The following STIMATE variants were observed in gnomAD, a reference collection of about 807,000 sequenced individuals.
STIMATE encodes STIM activating enhancer.
A neutral mutation model predicts 36.7 loss-of-function variants in STIMATE; 15 were observed. The observed-to-expected ratio is 0.41, with a 90% CI of 0.27 to 0.63. The LOEUF (loss-of-function observed/expected upper bound fraction) is 0.63. STIMATE is among the 20% of genes least tolerant of loss of function. The pLI, the probability that STIMATE is intolerant of heterozygous loss-of-function variation, is 0.32. For synonymous variants in STIMATE, 163 were observed against 162.3 expected (o/e 1.00, Z -0.03); for missense variants, 305 against 397.3 (o/e 0.77, Z 1.98).
chr3:52,895,784 G>C, intron 1 of STIMATE: 1 of 898,722 alleles, frequency 1.1e-6, no homozygotes, highest in Non-Finnish European at 1.5e-6. Context: ...TCAGGTTAGG[G>C]AGCAAAAGAA....
At chr3:52,843,361 T>C (rs565867589) in intron 6 of STIMATE, among the ~76,000 whole-genome samples, 2 of 152,286 alleles carry the variant, frequency 1.3e-5, no homozygotes, top group African/African-American at 4.8e-5. Context: ...CTTCGAGCCA[T>C]TGTGCTCGGG....
intron 4 of STIMATE, 38 bp downstream of exon 4, chr3:52,849,754 G>C: frequency 6.3e-7 from 1 of 1,591,470 alleles, no homozygotes; most frequent in East Asian, 2.3e-5. Flanking sequence ...ACCTCCAGCA[G>C]TTCCCTCACG....
chr3:52,870,472 G>T (rs1701383428), intron 1 of STIMATE, among the ~76,000 whole-genome samples: 1 of 151,990 alleles, frequency 6.6e-6, no homozygotes. Context: ...TCAGCCCAAA[G>T]GCTGAATGCT....
chr3:52,877,130 G>A (rs937389220), intron 1 of STIMATE, among the ~76,000 whole-genome samples: 2 of 152,238 alleles, frequency 1.3e-5, no homozygotes, highest in Admixed American at 1.3e-4. Context: ...CACCCTGCCT[G>A]TGGCTGCTTC....
chr3:52,840,357 C>G lies in STIMATE; in HGVS notation c.*137G>C, dbSNP rs953502655. On this transcript the variant is annotated 3_prime_UTR_variant, in exon 8 of 8. Transcript: ENST00000355083. ...TAAGTCACAGTAGTCTGGGGGCAGG[C>G]GAGAGCGGGCAGAGACAGCAAGAGG... 1 of 1,023,710 alleles carries G rather than the reference C, an allele frequency of 9.8e-7. No individual in the cohort carries two copies. Among genetic ancestry groups the G allele is most frequent in the Non-Finnish European group, 1.4e-6 (1 of 706,946 alleles). 63.4% of individuals were successfully genotyped at this position (1,023,710 alleles called of 1,614,324 possible). A position where few individuals can be genotyped will look rare whatever the true frequency, so the allele number is the denominator to read the frequency against.
In STIMATE at chr3:52,837,767, T is replaced by A. The variant is rs144112088; in HGVS notation, c.*2727A>T. On this transcript the variant is annotated 3_prime_UTR_variant, in exon 8 of 8. Transcript: ENST00000355083. ...TATCCAGCCAACGTCCCACCATTTC[T>A]CAACACGGTGATGGATGCCATGTGG... 6.6e-6 allele frequency: 1 copy of A among 152,308 alleles called. No individual in the cohort carries two copies. The highest frequency in any genetic ancestry group is 1.9e-4 in the East Asian group (1 of 5,172). 9.4% of individuals were successfully genotyped at this position (152,308 alleles called of 1,614,324 possible). A position where few individuals can be genotyped will look rare whatever the true frequency, so the allele number is the denominator to read the frequency against.
chr3:52,862,112 T>A (rs1701227500), intron 1 of STIMATE, among the ~76,000 whole-genome samples: 1 of 152,196 alleles, frequency 6.6e-6, no homozygotes, highest in Admixed American at 6.5e-5. Flanking sequence ...ACTCTGCTAG[T>A]CCTGCCCAGC....
intron 3 of STIMATE, 121 bp from the exon 4 acceptor site, chr3:52,850,034 G>C: frequency 1.4e-6 from 2 of 1,427,064 alleles, no homozygotes; most frequent in Non-Finnish European, 1.8e-6. Flanking sequence ...CATTCTGGGG[G>C]CTGGGAGCCC....
intron 1 of STIMATE, among the ~76,000 whole-genome samples, chr3:52,877,829 C>T (rs1015690571): frequency 6.6e-6 from 1 of 152,154 alleles, no homozygotes; most frequent in Non-Finnish European, 1.5e-5. Flanking sequence ...GGTGTGGTGG[C>T]TCACGCCTGT....
In STIMATE at chr3:52,897,362, C is replaced by T; in HGVS notation, c.89G>A (p.Gly30Asp). ...GATGCCGAAGCTGTGCATGAGCGCGCCGCTCTCGCAGCGGCCCGCCCCGGA... is the reference window on the plus strand; with the variant it reads ...GATGCCGAAGCTGTGCATGAGCGCGTCGCTCTCGCAGCGGCCCGCCCCGGA... ...VASGAGRCES[G>D]ALMHSFGIFL... is the part of the protein sequence containing the mutation. The change falls in exon 1 of 8, where the codon GGC (glycine) becomes GAC (aspartate). Residue 30 changes from glycine (G) to aspartate (D), a missense_variant. Coordinates refer to ENST00000355083, the MANE Select transcript of STIMATE (RefSeq NM_198563.5). 2 of 1,522,660 alleles carry T rather than the reference C, an allele frequency of 1.3e-6. No homozygotes were observed. The highest frequency in any genetic ancestry group is 8.8e-7 in the Non-Finnish European group (1 of 1,142,230). The allele number at this position is 1,522,660 out of a possible 1,614,324, so 94.3% of individuals were successfully genotyped here.
chr3:52,895,120 T>G (rs919111370), intron 1 of STIMATE, among the ~76,000 whole-genome samples: 1 of 152,186 alleles, frequency 6.6e-6, no homozygotes, highest in Non-Finnish European at 1.5e-5. Context: ...CAGATGTACT[T>G]CCTTAAGGCT....
Position 52,877,827 on chromosome 3 carries a change from G to A in STIMATE, c.160+19464C>T, listed in dbSNP as rs1701526758. On this transcript the variant is annotated intron_variant, in intron 1 of 7. Transcript: ENST00000355083. ...TAGGTAATCACTGGCCGGGTGTGGT[G>A]GCTCACGCCTGTAATCCCAGCACTT... Among the ~76,000 whole-genome samples the A allele has an allele frequency of 2.0e-5, 3 of 152,150 alleles. 1 individual carries two copies. The South Asian group carries it at 6.2e-4, about 32-fold the overall frequency.
intron 1 of STIMATE, among the ~76,000 whole-genome samples, chr3:52,888,179 T>G (rs1208915726): frequency 2.0e-5 from 3 of 152,040 alleles, no homozygotes; most frequent in African/African-American, 7.2e-5. Context: ...AACCCCTTTT[T>G]TGCTCCAGGG....
At chr3:52,889,343 G>A (rs1206885759) in intron 1 of STIMATE, among the ~76,000 whole-genome samples, 2 of 152,148 alleles carry the variant, frequency 1.3e-5, no homozygotes, top group Non-Finnish European at 1.5e-5. Flanking sequence ...GGCGATCTGT[G>A]CCCACACCTC....
intron 1 of STIMATE, among the ~76,000 whole-genome samples, chr3:52,879,500 G>GGAA (rs1450745916): frequency 2.6e-5 from 4 of 152,144 alleles, no homozygotes; most frequent in Non-Finnish European, 4.4e-5. Flanking sequence ...GGACCAGGAG[G>GGAA]GAAGAACAAG....
At chr3:52,849,582 C>G (rs537330659) in intron 4 of STIMATE, among the ~76,000 whole-genome samples, 1 of 152,250 alleles carries the variant, frequency 6.6e-6, no homozygotes, top group South Asian at 2.1e-4. Flanking sequence ...ACCTTCCCTG[C>G]CATAAGGTGA....
chr3:52,887,424 G>A (rs563783112), intron 1 of STIMATE, among the ~76,000 whole-genome samples: 3 of 152,340 alleles, frequency 2.0e-5, no homozygotes, highest in Admixed American at 6.5e-5. Context: ...CACACAGACT[G>A]GATGTTTGCG....
chr3:52,860,553 C>T (rs561014361), intron 1 of STIMATE, among the ~76,000 whole-genome samples: 1 of 151,990 alleles, frequency 6.6e-6, no homozygotes, highest in Admixed American at 6.5e-5. Flanking sequence ...GGCCAGGCAG[C>T]TGTAGCCACA....
chr3:52,845,028 C>A, intron 4 of STIMATE, 87 bp from the exon 5 acceptor site: 1 of 1,390,620 alleles, frequency 7.2e-7, no homozygotes, highest in Non-Finnish European at 9.9e-7. Flanking sequence ...ACACGCACCC[C>A]AGAACACTGG....
Sources: allele counts gnomAD v4.1 joint callset (sites outside exome capture counted in the v4.1 genomes callset), GRCh38; gene constraint gnomAD v4.1.1; transcripts MANE v1.5; gene names NCBI Gene and HGNC (gene_info 2026-07-23, HGNC 2026-07-21).